DNAAF9: variants seen among roughly 807,000 people sequenced by gnomAD.
DNAAF9 encodes dynein axonemal assembly factor 9.
DNAAF9 carries 90 observed loss-of-function variants against 167.0 expected under a neutral mutation model. The ratio of observed to expected loss-of-function variants is 0.54; its 90% CI spans 0.45 to 0.64. The LOEUF (loss-of-function observed/expected upper bound fraction) is 0.64. Among genes scored for constraint, DNAAF9 ranks in the 30% least tolerant of loss-of-function variants. DNAAF9 has a pLI of 0.00. For synonymous variants in DNAAF9, 491 were observed against 508.8 expected, an observed-to-expected ratio of 0.96 and a Z score of 0.47; for missense variants, 1,315 against 1,442.2, an observed-to-expected ratio of 0.91 and a Z score of 1.43.
intron 7 of DNAAF9, among the ~76,000 whole-genome samples, chr20:3,356,087 G>A (rs1003840553): frequency 3.9e-5 from 6 of 152,018 alleles, no homozygotes; most frequent in Admixed American, 2.6e-4. Flanking sequence ...GTGTGATCTT[G>A]GCTCACTGCA....
At chr20:3,359,626 A>T in intron 6 of DNAAF9, 33 bp from the exon 7 acceptor site, 1 of 1,420,560 alleles carries the variant, frequency 7.0e-7, no homozygotes, top group South Asian at 1.2e-5. Flanking sequence ...TGAAATAATT[A>T]AGTCAATATC....
In DNAAF9 at chr20:3,340,440, A is replaced by ACCCCCCC; in HGVS notation, c.981+63_981+64insGGGGGGG. 7 of 124,214 alleles carry ACCCCCCC rather than the reference A, an allele frequency of 5.6e-5. 2 individuals are homozygous for ACCCCCCC. The highest frequency in any genetic ancestry group is 1.0e-4 in the Non-Finnish European group (6 of 57,822). 7.7% of individuals were successfully genotyped at this position (124,214 alleles called of 1,614,324 possible). On this transcript the variant is annotated intron_variant, in intron 10 of 36. Transcript: ENST00000252032. ...AGGTTCTTTTTGTCTAGCTCCCCCC[A>ACCCCCCC]CCCACCCCACCCCCACAACTTGATA...
rs189566066 is a variant in DNAAF9 at position 3,382,375 on chromosome 20, A to C, written c.163+52T>G. ...TATTACTAATACCTTCCTGTGAACA[A>C]AAAAAGCCAAGTTGCCCAAGCCCTG... On this transcript the variant is annotated intron_variant, in intron 2 of 36. Coordinates refer to ENST00000252032, the MANE Select transcript of DNAAF9 (RefSeq NM_001009984.3). 1.1e-5 allele frequency: 16 copies of C among 1,448,638 alleles called. No homozygotes were observed. In the East Asian group the frequency reaches 3.4e-4, roughly 31 times the overall value. The allele number at this position is 1,448,638 out of a possible 1,614,324, so 89.7% of individuals were successfully genotyped here.
chr20:3,259,552 T>C lies in DNAAF9; in HGVS notation c.2983A>G (p.Ile995Val), dbSNP rs368705348. The change falls in exon 33 of 37, where the codon ATT becomes GTT. Residue 995 changes from isoleucine to valine, a missense_variant and splice_region_variant. Ile to Val is a conservative substitution (Grantham distance 29). Transcript: ENST00000252032. The stretch of plus-strand genomic sequence containing the variant: ...GGACTTGGCTTGATGGAGGACTGAA[T>C]TGCTGGTGGAAGAAGAGGACAGCGC... ...KTRFVAKCKAIQSSIKPSPFS... is the reference protein window; with the variant it reads ...KTRFVAKCKAVQSSIKPSPFS... 2.6e-5 allele frequency: 42 copies of C among 1,609,176 alleles called. No homozygotes were observed. In the Middle Eastern group the frequency reaches 4.9e-4, roughly 19 times the overall value.
chr20:3,255,912 T>A, intron 34 of DNAAF9, 94 bp downstream of exon 34: 2 of 907,594 alleles, frequency 2.2e-6, no homozygotes, highest in South Asian at 3.0e-5. Context: ...TGGGGAGGCA[T>A]CAGGGAGGCA....
intron 23 of DNAAF9, chr20:3,296,607 T>C: frequency 2.2e-6 from 1 of 453,678 alleles, no homozygotes; most frequent in South Asian, 3.8e-5. Flanking sequence ...TCTCTAATTC[T>C]TGTGCTCAAT....
intron 21 of DNAAF9, among the ~76,000 whole-genome samples, chr20:3,301,581 C>T (rs1348294675): frequency 6.6e-6 from 1 of 152,164 alleles, no homozygotes; most frequent in Admixed American, 6.5e-5. Context: ...ACTCTCTTCC[C>T]CTCTTGGGCC....
At chr20:3,349,571 C>T (rs753614409) in intron 7 of DNAAF9, among the ~76,000 whole-genome samples, 2 of 152,134 alleles carry the variant, frequency 1.3e-5, no homozygotes, top group Non-Finnish European at 2.9e-5. Flanking sequence ...CCCTCTCCTT[C>T]CTTATGCCCT....
In DNAAF9 at chr20:3,252,336, G is replaced by C; in HGVS notation, c.*236C>G. On this transcript the variant is annotated 3_prime_UTR_variant, in exon 37 of 37. Coordinates refer to ENST00000252032, the MANE Select transcript of DNAAF9 (RefSeq NM_001009984.3). ...TGCCAGTTGCACACGTAGACGGGCAGGCCCCATCTGCTCATCCTTGAGTAT... is the reference window on the plus strand; with the variant it reads ...TGCCAGTTGCACACGTAGACGGGCACGCCCCATCTGCTCATCCTTGAGTAT... 2.4e-6 allele frequency: 1 copy of C among 418,510 alleles called. No individual in the cohort carries two copies. Among genetic ancestry groups the C allele is most frequent in the Non-Finnish European group, 4.4e-6 (1 of 228,734 alleles). 25.9% of individuals were successfully genotyped at this position (418,510 alleles called of 1,614,324 possible).
At chr20:3,368,914 C>T (rs2083470911) in intron 6 of DNAAF9, among the ~76,000 whole-genome samples, 1 of 151,848 alleles carries the variant, frequency 6.6e-6, no homozygotes, top group African/African-American at 2.4e-5. Flanking sequence ...GGCAGATCAC[C>T]TGAGGTCAGG....
At chr20:3,268,117 C>T (rs1045971095) in intron 30 of DNAAF9, among the ~76,000 whole-genome samples, 1 of 151,614 alleles carries the variant, frequency 6.6e-6, no homozygotes, top group African/African-American at 2.4e-5. Flanking sequence ...CAACCTCCGC[C>T]TCCCAGGTTC....
chr20:3,391,305 T>C (rs576909642), intron 1 of DNAAF9, among the ~76,000 whole-genome samples: 311 of 152,278 alleles, frequency 2.0e-3, no homozygotes, highest in African/African-American at 7.1e-3. Flanking sequence ...CTTAATTATT[T>C]ACCTTTTAAT....
chr20:3,312,717 A>G (rs2069436313), intron 20 of DNAAF9, among the ~76,000 whole-genome samples: 1 of 152,160 alleles, frequency 6.6e-6, no homozygotes, highest in Non-Finnish European at 1.5e-5. Flanking sequence ...TATTTTCCTC[A>G]AGAGAGTCCA....
intron 9 of DNAAF9, 71 bp downstream of exon 9, chr20:3,343,605 A>G (rs2070129568): frequency 8.1e-7 from 1 of 1,228,978 alleles, no homozygotes; most frequent in South Asian, 1.3e-5. Context: ...ATGCACCCCC[A>G]CAGCCAACCC....
At chr20:3,338,215 T>C (rs1474933404) in intron 10 of DNAAF9, among the ~76,000 whole-genome samples, 1 of 152,046 alleles carries the variant, frequency 6.6e-6, no homozygotes, top group African/African-American at 2.4e-5. Context: ...TCCTTTTTCT[T>C]TTGAAGGATA....
intron 6 of DNAAF9, among the ~76,000 whole-genome samples, chr20:3,371,401 T>G (rs750723981): frequency 6.6e-5 from 9 of 136,794 alleles, no homozygotes; most frequent in African/African-American, 2.5e-4. Flanking sequence ...TGGAGTGCAG[T>G]GGCGCTATCT....
Position 3,252,697 on chromosome 20 carries a change from TAAGG to T in DNAAF9, c.3422-17_3422-14del. On this transcript the variant is annotated splice_polypyrimidine_tract_variant and intron_variant, in intron 36 of 36. Transcript: ENST00000252032. ...AACTGGTCCATGACTGGTATCTCATTAAGGAAGAGAGCTCTGAGCCTGGAGGACA... is the reference window on the plus strand; with the variant it reads ...AACTGGTCCATGACTGGTATCTCATTAAGAGAGCTCTGAGCCTGGAGGACA... The T allele has an allele frequency of 6.8e-7, 1 of 1,466,758 alleles. No homozygotes were observed. Among genetic ancestry groups the T allele is most frequent in the Non-Finnish European group, 9.6e-7 (1 of 1,045,568 alleles). 90.9% of individuals were successfully genotyped at this position (1,466,758 alleles called of 1,614,324 possible).
chr20:3,326,239 C>A lies in DNAAF9; in HGVS notation c.1146G>T (p.Leu382Phe). 1 of 1,613,632 alleles carries A rather than the reference C, an allele frequency of 6.2e-7. No homozygotes were observed. The highest frequency in any genetic ancestry group is 8.5e-7 in the Non-Finnish European group (1 of 1,179,602). ...QIYAAVIEAV[L>F]AGIACYAKTS... ...TTTTAGCATAACATGCAATGCCAGC[C>A]AAAACAGCCTCAATAACAGCAGCAT... The change falls in exon 13 of 37, where the codon TTG becomes TTT. Residue 382 changes from leucine (L) to phenylalanine (F), a missense_variant. Leu to Phe is a conservative substitution (Grantham distance 22). This residue lies in a region of DNAAF9 where 981 missense variants were observed against 1,012.5 expected (regional missense o/e 0.97). Transcript: ENST00000252032.
At chr20:3,397,719 T>TGGG (rs11087582) in intron 1 of DNAAF9, among the ~76,000 whole-genome samples, 1 of 147,116 alleles carries the variant, frequency 6.8e-6, no homozygotes, top group East Asian at 2.1e-4. Flanking sequence ...AGATTTTTTT[T>TGGG]GGGGGGGGGG....
Sources: gnomAD v4.1 joint callset for allele counts (sites outside exome capture counted in the v4.1 genomes callset) on GRCh38, gnomAD v4.1.1 for gene constraint, gnomAD v4.1.1 regional missense constraint, MANE v1.5 for transcripts, NCBI Gene and HGNC (gene_info 2026-07-23, HGNC 2026-07-21) for gene names.